The following PSIP1 variants were observed in gnomAD, a reference collection of about 807,000 sequenced individuals.
The protein encoded by PSIP1 is PC4 and SFRS1-interacting protein.
In PSIP1, 19 loss-of-function variants were observed where a neutral mutation model predicts 74.7. That is an observed-to-expected ratio of 0.25 (90% CI 0.18 to 0.37). The LOEUF is 0.37. Among genes scored for constraint, PSIP1 ranks in the 10% least tolerant of loss-of-function variants. The pLI, the probability that PSIP1 is intolerant of heterozygous loss-of-function variation, is 1.00. For missense variants in PSIP1, 601 were observed against 614.3 expected (o/e 0.98, Z 0.23); for synonymous variants, 222 against 195.3 (o/e 1.14, Z -1.14).
intron 3 of PSIP1, among the ~76,000 whole-genome samples, chr9:15,502,730 G>A (rs1303761805): frequency 1.3e-5 from 2 of 152,184 alleles, no homozygotes; most frequent in African/African-American, 4.8e-5. Context: ...TGTAATCAAG[G>A]ATAATACCAA....
chr9:15,501,358 C>T (rs537000484), intron 3 of PSIP1, among the ~76,000 whole-genome samples: 1 of 151,488 alleles, frequency 6.6e-6, no homozygotes, highest in East Asian at 1.9e-4. Context: ...CCCTGCTGAT[C>T]CAGCTCTTCG....
chr9:15,483,618 C>T (rs1035406435), intron 6 of PSIP1, among the ~76,000 whole-genome samples: 24 of 152,232 alleles, frequency 1.6e-4, no homozygotes, highest in African/African-American at 5.8e-4. Context: ...GTCTTCTTTA[C>T]TGACTACTCA....
At chr9:15,488,663 G>T (rs1249151894) in intron 4 of PSIP1, among the ~76,000 whole-genome samples, 1 of 152,178 alleles carries the variant, frequency 6.6e-6, no homozygotes, top group Non-Finnish European at 1.5e-5. Flanking sequence ...GAGGTGGGCA[G>T]ATCACAAGGT....
intron 9 of PSIP1, 81 bp downstream of exon 9, chr9:15,473,928 A>C (rs966130238): frequency 4.0e-4 from 321 of 806,490 alleles, no homozygotes; most frequent in South Asian, 5.4e-4. Context: ...AAAAAAAAAC[A>C]AAAAAAAAAC....
rs202096899 is a variant in PSIP1 at position 15,489,993 on chromosome 9, C to T, written c.281G>A (p.Ser94Asn). 3 of 1,570,344 alleles carry T rather than the reference C, an allele frequency of 1.9e-6. No homozygotes were observed. The highest frequency in any genetic ancestry group is 1.9e-5 in the Admixed American group (1 of 51,868). ...TTATGTAATATGACTTACCTGTTGACTTGAAAATTTCACTTTTGGATTGTT... is the reference window on the plus strand; with the variant it reads ...TTATGTAATATGACTTACCTGTTGATTTGAAAATTTCACTTTTGGATTGTT... ...IDNNPKVKFS[S>N]QQAATKQSNA... Residue 94 changes from serine (S) to asparagine (N), a missense_variant, in exon 4 of 16, where the codon AGT becomes AAT. Ser to Asn is a conservative substitution (Grantham distance 46). This residue lies in a region of PSIP1 where 538 missense variants were observed against 507.6 expected (regional missense o/e 1.06). Coordinates refer to ENST00000380733, the MANE Select transcript of PSIP1 (RefSeq NM_033222.5).
At chr9:15,491,470 G>A (rs984933693) in intron 3 of PSIP1, among the ~76,000 whole-genome samples, 1 of 152,118 alleles carries the variant, frequency 6.6e-6, no homozygotes, top group Non-Finnish European at 1.5e-5. Context: ...CTACTGATCT[G>A]GGCTTACAAA....
chr9:15,473,954 A>T (rs557800932), intron 9 of PSIP1, 55 bp downstream of exon 9: 57 of 1,230,846 alleles, frequency 4.6e-5, no homozygotes, highest in East Asian at 3.8e-4. Flanking sequence ...AAAAACAAAA[A>T]ATATATATAT....
chr9:15,494,478 T>G (rs1463910444), intron 3 of PSIP1, among the ~76,000 whole-genome samples: 1 of 139,946 alleles, frequency 7.1e-6, no homozygotes, highest in East Asian at 2.1e-4. Flanking sequence ...GGCAATAGAA[T>G]CGCTTGAACC....
chr9:15,493,619 T>G (rs1244894832), intron 3 of PSIP1, among the ~76,000 whole-genome samples: 1 of 152,184 alleles, frequency 6.6e-6, no homozygotes, highest in African/African-American at 2.4e-5. Flanking sequence ...AAAAGAGGTT[T>G]AATTGACTCA....
rs767922897 is a variant in PSIP1 at position 15,497,325 on chromosome 9, C to CTTTTTTTTTT, written c.150-7211_150-7202dup. ...CTGAAGACCACACGTTCTATGATTCCTTTTTTTTTTTTTTTTGAGACAGAG... is the reference window on the plus strand; with the variant it reads ...CTGAAGACCACACGTTCTATGATTCCTTTTTTTTTTTTTTTTTTTTTTTTTTGAGACAGAG... On this transcript the variant is annotated intron_variant, in intron 3 of 15. Transcript: ENST00000380733. 5.0e-4 allele frequency among the ~76,000 whole-genome samples: 59 copies of CTTTTTTTTTT among 118,546 alleles called. 9 individuals are homozygous for CTTTTTTTTTT. Among genetic ancestry groups the CTTTTTTTTTT allele is most frequent in the African/African-American group, 2.1e-3 (51 of 24,852 alleles). 77.8% of individuals were successfully genotyped at this position (118,546 alleles called of 152,430 possible).
chr9:15,466,783 G>A lies in PSIP1; in HGVS notation c.1497C>T (p.Asp499=). The stretch of plus-strand genomic sequence containing the variant: ...TGCTGGCTTCATGGTTGTCTTTGCT[G>A]TCTTCATTGCTCTCCCCGTTATGTT... ...QPQHNGESNE[D]SKDNHEASTK... Residue 499 remains aspartate, a synonymous_variant, in exon 15 of 16, where the codon GAC becomes GAT. Transcript: ENST00000380733. 6.2e-7 allele frequency: 1 copy of A among 1,612,982 alleles called. No homozygotes were observed. Among genetic ancestry groups the A allele is most frequent in the Admixed American group, 1.7e-5 (1 of 59,774 alleles).
At chr9:15,473,933 A>C (rs1390488711) in intron 9 of PSIP1, 76 bp downstream of exon 9, 9 of 966,710 alleles carry the variant, frequency 9.3e-6, no homozygotes, top group African/African-American at 5.3e-5. Context: ...AAAACAAAAA[A>C]AAAACAAAGA....
intron 14 of PSIP1, chr9:15,468,266 T>C (rs2035713561): frequency 5.9e-6 from 3 of 508,266 alleles, no homozygotes; most frequent in South Asian, 4.4e-5. Flanking sequence ...AAAAGGCTAC[T>C]GTACGCTATT....
At chr9:15,500,787 A>G (rs1333838005) in intron 3 of PSIP1, among the ~76,000 whole-genome samples, 1 of 152,220 alleles carries the variant, frequency 6.6e-6, no homozygotes, top group Non-Finnish European at 1.5e-5. Context: ...TAAGGAGGAA[A>G]AAACAGCAAA....
chr9:15,502,715 T>C (rs2037404218), intron 3 of PSIP1, among the ~76,000 whole-genome samples: 1 of 152,250 alleles, frequency 6.6e-6, no homozygotes, highest in South Asian at 2.1e-4. Flanking sequence ...GGAAAGACTA[T>C]AACATGTAAT....
intron 10 of PSIP1, 109 bp downstream of exon 10, chr9:15,472,523 C>G: frequency 3.4e-6 from 5 of 1,460,730 alleles, no homozygotes; most frequent in Non-Finnish European, 4.5e-6. Flanking sequence ...TGGGAAAAGT[C>G]ACTTCTTCAA....
chr9:15,479,536 T>G (rs2036244672), intron 7 of PSIP1, 55 bp downstream of exon 7: 3 of 1,386,552 alleles, frequency 2.2e-6, no homozygotes, highest in Non-Finnish European at 2.0e-6. Context: ...ACACTTTAAA[T>G]GGACTGGAAT....
rs369940639 is a variant in PSIP1 at position 15,486,968 on chromosome 9, G to A, written c.289-37C>T. 7.6e-6 allele frequency: 10 copies of A among 1,320,134 alleles called. No individual in the cohort carries two copies. The East Asian group carries it at 1.6e-4, about 22-fold the overall frequency. 81.8% of individuals were successfully genotyped at this position (1,320,134 alleles called of 1,614,324 possible). ...CAACTCTATTAATTTCAAAAAATAA[G>A]TTTTTATCCCAATAATATATACAAT... is the stretch of plus-strand genomic sequence containing the variant. On this transcript the variant is annotated intron_variant, in intron 4 of 15. Transcript: ENST00000380733.
intron 6 of PSIP1, among the ~76,000 whole-genome samples, chr9:15,485,217 G>A (rs2036509568): frequency 6.6e-6 from 1 of 152,054 alleles, no homozygotes; most frequent in Non-Finnish European, 1.5e-5. Flanking sequence ...CAGACTTTAT[G>A]GTGTGTTAAT....
Sources: allele counts gnomAD v4.1 joint callset (sites outside exome capture counted in the v4.1 genomes callset), GRCh38; gene constraint gnomAD v4.1.1; regional missense constraint gnomAD v4.1.1; transcripts MANE v1.5; gene names NCBI Gene and HGNC (gene_info 2026-07-23, HGNC 2026-07-21).